The following ANXA10 variants were observed in gnomAD, a reference collection of about 807,000 sequenced individuals.
The protein encoded by ANXA10 is annexin 14.
Under a neutral mutation model 53.5 loss-of-function variants are expected in ANXA10, and 49 were observed. The observed-to-expected ratio is 0.92, with a 90% CI of 0.73 to 1.16. The LOEUF (loss-of-function observed/expected upper bound fraction) is 1.16, where lower values mean the gene tolerates loss of function less well. Ranked by LOEUF, ANXA10 falls within the 50% of genes most tolerant of loss-of-function variation. ANXA10 has a pLI of 0.00. For synonymous variants in ANXA10, 131 were observed against 128.9 expected, an observed-to-expected ratio of 1.02 and a Z score of -0.11; for missense variants, 393 against 394.4, an observed-to-expected ratio of 1.00 and a Z score of 0.03.
intron 1 of ANXA10, among the ~76,000 whole-genome samples, chr4:168,111,269 G>T (rs535091019): frequency 6.6e-6 from 1 of 152,258 alleles, no homozygotes; most frequent in Non-Finnish European, 1.5e-5. Flanking sequence ...CCTTGAGGGT[G>T]AGCAAACACT....
chr4:168,128,624 T>C (rs1163524930), intron 2 of ANXA10, among the ~76,000 whole-genome samples: 1 of 152,162 alleles, frequency 6.6e-6, no homozygotes, highest in Non-Finnish European at 1.5e-5. Context: ...CTGCCTGGAA[T>C]GTTATTTTCT....
At chr4:168,145,624 G>A (rs1157394764) in intron 3 of ANXA10, among the ~76,000 whole-genome samples, 1 of 152,170 alleles carries the variant, frequency 6.6e-6, no homozygotes, top group East Asian at 1.9e-4. Flanking sequence ...TCAGTATTAA[G>A]AGAAAGAAAG....
Position 168,156,160 on chromosome 4 carries a change from TATTA to T in ANXA10, c.196-6367_196-6364del, listed in dbSNP as rs1171285859. Reference sequence around the variant, plus strand: ...ATATATAAAAATAATATATATTATATATTATATATATTATATTATATATTATATA... The same window carrying T: ...ATATATAAAAATAATATATATTATATTATATATTATATTATATATTATATA... On this transcript the variant is annotated intron_variant, in intron 3 of 11. Transcript: ENST00000359299. Among the ~76,000 whole-genome samples the T allele has an allele frequency of 5.0e-3, 82 of 16,526 alleles. 3 individuals carry two copies. The highest frequency in any genetic ancestry group is 0.021 in the African/African-American group (70 of 3,290). The allele number at this position is 16,526 out of a possible 152,430, so 10.8% of individuals were successfully genotyped here.
At chr4:168,110,598 A>T (rs1439221679) in intron 1 of ANXA10, among the ~76,000 whole-genome samples, 1 of 152,096 alleles carries the variant, frequency 6.6e-6, no homozygotes, top group Admixed American at 6.5e-5. Context: ...TTTGTCTATC[A>T]AGGTTAATTT....
intron 3 of ANXA10, among the ~76,000 whole-genome samples, chr4:168,152,411 G>A (rs908832281): frequency 6.6e-6 from 1 of 152,146 alleles, no homozygotes; most frequent in African/African-American, 2.4e-5. Flanking sequence ...AATTGTAGGT[G>A]ATGAAGTCAA....
intron 1 of ANXA10, among the ~76,000 whole-genome samples, chr4:168,105,533 T>C (rs1051578907): frequency 6.6e-6 from 1 of 152,136 alleles, no homozygotes; most frequent in Non-Finnish European, 1.5e-5. Flanking sequence ...AGCATTTAGA[T>C]TGATTCCATG....
intron 6 of ANXA10, among the ~76,000 whole-genome samples, chr4:168,166,298 A>C (rs1731876942): frequency 6.6e-6 from 1 of 152,146 alleles, no homozygotes; most frequent in South Asian, 2.1e-4. Flanking sequence ...TATTACCAAA[A>C]AGGAACACTA....
intron 1 of ANXA10, among the ~76,000 whole-genome samples, chr4:168,116,624 C>A (rs902368399): frequency 6.6e-6 from 1 of 151,818 alleles, no homozygotes. Context: ...GGCAAAAAGG[C>A]ACTATTTTAA....
chr4:168,139,472 T>C lies in ANXA10; in HGVS notation c.101-14T>C, dbSNP rs1731291846. On this transcript the variant is annotated splice_polypyrimidine_tract_variant and intron_variant, in intron 2 of 11. Coordinates refer to ENST00000359299, the MANE Select transcript of ANXA10 (RefSeq NM_007193.5). ...TAGCAACTTTACTAATCTTCAAATA[T>C]TATTCTTTTCCAGACTGTGACAAAG... 6.2e-7 allele frequency: 1 copy of C among 1,607,294 alleles called. No homozygotes were observed.
At position 168,108,457 on chromosome 4, in the gene ANXA10, C is replaced by T. The variant is rs1310244840; in HGVS notation, c.18+15739C>T. ...TACACTATGGCCTTCAAAGATGTTT[C>T]TTTGGGACCATTATAGGTTTTTAGG... On this transcript the variant is annotated intron_variant, in intron 1 of 11. Transcript: ENST00000359299. Among the ~76,000 whole-genome samples the T allele has an allele frequency of 4.6e-5, 7 of 152,104 alleles. No individual in the cohort carries two copies. In the East Asian group the frequency reaches 1.3e-3, roughly 29 times the overall value.
chr4:168,151,380 T>C (rs1243241043), intron 3 of ANXA10, among the ~76,000 whole-genome samples: 1 of 152,144 alleles, frequency 6.6e-6, no homozygotes, highest in Non-Finnish European at 1.5e-5. Context: ...GTAAGACGAA[T>C]AAGAAATAAG....
At chr4:168,183,009 GAAAAAA>G (rs747151480) in intron 10 of ANXA10, among the ~76,000 whole-genome samples, 2,673 of 93,348 alleles carry the variant, frequency 0.029, 84 homozygotes, top group African/African-American at 0.088. Flanking sequence ...CACCGTCTCG[GAAAAAA>G]AAAAAAAAAA....
intron 5 of ANXA10, 160 bp from the exon 6 acceptor site, chr4:168,165,087 G>A: frequency 2.4e-6 from 1 of 413,674 alleles, no homozygotes; most frequent in Non-Finnish European, 4.4e-6. Flanking sequence ...TTAGGTGACA[G>A]AATTCTTTGG....
At chr4:168,098,510 A>G (rs1730587490) in intron 1 of ANXA10, among the ~76,000 whole-genome samples, 1 of 152,140 alleles carries the variant, frequency 6.6e-6, no homozygotes, top group Non-Finnish European at 1.5e-5. Flanking sequence ...TGATTCATCA[A>G]AAAGGAAGGG....
chr4:168,137,590 C>T (rs1441154619), intron 2 of ANXA10, among the ~76,000 whole-genome samples: 2 of 152,140 alleles, frequency 1.3e-5, no homozygotes, highest in Non-Finnish European at 2.9e-5. Flanking sequence ...ATCTATGTTG[C>T]TGCAAAAGAC....
chr4:168,149,895 G>A lies in ANXA10; in HGVS notation c.195+10315G>A, dbSNP rs141854031. Among the ~76,000 whole-genome samples the A allele has an allele frequency of 2.7e-3, 408 of 152,276 alleles. 2 individuals carry two copies. The highest frequency in any genetic ancestry group is 8.7e-3 in the African/African-American group (361 of 41,554). On this transcript the variant is annotated intron_variant, in intron 3 of 11. Coordinates refer to ENST00000359299, the MANE Select transcript of ANXA10 (RefSeq NM_007193.5). Reference sequence around the variant, plus strand: ...TTCTTCTAGTTCACGCTGCTACTGAGGATACAACCCTTTGAGGATAGCAAC... The same window carrying A: ...TTCTTCTAGTTCACGCTGCTACTGAAGATACAACCCTTTGAGGATAGCAAC...
chr4:168,180,561 G>C (rs1732220904), intron 9 of ANXA10, among the ~76,000 whole-genome samples: 1 of 152,118 alleles, frequency 6.6e-6, no homozygotes, highest in Non-Finnish European at 1.5e-5. Flanking sequence ...ACTGCAGATA[G>C]AACAATGAAA....
At chr4:168,135,063 C>T (rs2149471198) in intron 2 of ANXA10, among the ~76,000 whole-genome samples, 1 of 152,216 alleles carries the variant, frequency 6.6e-6, no homozygotes, top group East Asian at 1.9e-4. Flanking sequence ...TGGAATTAAA[C>T]AGCAAGGAAG....
intron 3 of ANXA10, among the ~76,000 whole-genome samples, chr4:168,141,247 T>A (rs903856878): frequency 6.6e-6 from 1 of 152,186 alleles, no homozygotes; most frequent in Non-Finnish European, 1.5e-5. Context: ...AAACTGGAAG[T>A]CATGTTTGCC....
Sources: allele counts gnomAD v4.1 joint callset (sites outside exome capture counted in the v4.1 genomes callset), GRCh38; gene constraint gnomAD v4.1.1; transcripts MANE v1.5; gene names NCBI Gene and HGNC (gene_info 2026-07-23, HGNC 2026-07-21).